DIP2A: variants seen among roughly 807,000 people sequenced by gnomAD.
DIP2A encodes the protein disco-interacting protein 2 homolog A.
A neutral mutation model predicts 177.4 loss-of-function variants in DIP2A; 85 were observed. That is an observed-to-expected ratio of 0.48 (90% confidence interval 0.40 to 0.57). The LOEUF is 0.57. Among genes scored for constraint, DIP2A ranks in the 20% least tolerant of loss-of-function variants. The pLI is 0.00. For missense variants in DIP2A, 1,791 were observed against 2,100.2 expected, an observed-to-expected ratio of 0.85 and a Z score of 2.88; for synonymous variants, 886 against 881.8, an observed-to-expected ratio of 1.00 and a Z score of -0.08.
At chr21:46,532,614 A>G (rs1323027756) in intron 10 of DIP2A, among the ~76,000 whole-genome samples, 2 of 152,244 alleles carry the variant, frequency 1.3e-5, no homozygotes, top group Admixed American at 1.3e-4. Context: ...ATGTTTATAG[A>G]AAATAATTAT....
At chr21:46,535,626 A>G (rs2839310) in intron 13 of DIP2A, among the ~76,000 whole-genome samples, 44,989 of 152,162 alleles carry the variant, frequency 0.3, 7,011 homozygotes, top group Middle Eastern at 0.38. Flanking sequence ...AAGCAAGGGT[A>G]TAAGTTGAGG....
chr21:46,516,488 CTTTTT>C (rs1158910021), intron 8 of DIP2A, among the ~76,000 whole-genome samples: 2 of 76,366 alleles, frequency 2.6e-5, no homozygotes, highest in Non-Finnish European at 5.5e-5. Context: ...TCTGAAATTT[CTTTTT>C]TTTTTTTTTT....
At chr21:46,578,466 T>C in the DIP2A span, among the ~76,000 whole-genome samples, 13 of 152,250 alleles carry the variant, frequency 8.5e-5, no homozygotes, top group Non-Finnish European at 1.8e-4. Context: ...TCTTGCCTGA[T>C]TCCCTTGCTA....
chr21:46,518,518 A>G (rs978564610), intron 8 of DIP2A, among the ~76,000 whole-genome samples: 1 of 152,212 alleles, frequency 6.6e-6, no homozygotes, highest in Non-Finnish European at 1.5e-5. Flanking sequence ...TGTCATTTTA[A>G]CTTGCTCTTT....
At chr21:46,459,261 T>TCAGCCCGGTCCCCCGCG in intron 1 of DIP2A, 39 bp downstream of exon 1, 1 of 1,393,440 alleles carries the variant, frequency 7.2e-7, no homozygotes, top group Non-Finnish European at 9.4e-7. Flanking sequence ...CGACCCGCCC[T>TCAGCCCGGTCCCCCGCG]CAGCCCGGTC....
In DIP2A at chr21:46,459,135, G is replaced by C. The variant is rs2054038370; in HGVS notation, c.4G>C (p.Ala2Pro). 6.6e-7 allele frequency: 1 copy of C among 1,510,148 alleles called. No homozygotes were observed. Among genetic ancestry groups the C allele is most frequent in the Non-Finnish European group, 8.8e-7 (1 of 1,130,724 alleles). The allele number at this position is 1,510,148 out of a possible 1,614,324, so 93.5% of individuals were successfully genotyped here. A position where few individuals can be genotyped will look rare whatever the true frequency, so the allele number is the denominator to read the frequency against. ...CCGGACGCTAGCCGGCCTGGCCATGGCTGACCGCGGGTGCCCGCTGGAGGC... is the reference window on the plus strand; with the variant it reads ...CCGGACGCTAGCCGGCCTGGCCATGCCTGACCGCGGGTGCCCGCTGGAGGC... The part of the protein sequence containing the change: M[A>P]DRGCPLEAAP... The change falls in exon 1 of 38, where the codon GCT (alanine) becomes CCT (proline). Residue 2 changes from alanine (A) to proline (P), a missense_variant. Coordinates refer to ENST00000417564, the MANE Select transcript of DIP2A (RefSeq NM_015151.4).
chr21:46,530,131 T>C (rs983141022), intron 9 of DIP2A, among the ~76,000 whole-genome samples: 4 of 152,186 alleles, frequency 2.6e-5, no homozygotes, highest in Admixed American at 6.5e-5. Context: ...GTAGGCAAGC[T>C]GGACCAGACC....
Position 46,534,645 on chromosome 21 carries a change from G to T in DIP2A, c.1600G>T (p.Ala534Ser). 1 of 1,612,272 alleles carries T rather than the reference G, an allele frequency of 6.2e-7. No homozygotes were observed. The change falls in exon 13 of 38, where the codon GCA (alanine) becomes TCA (serine). Residue 534 changes from alanine (A) to serine (S), a missense_variant. Transcript: ENST00000417564. ...GVTVSHASLL[A>S]QCRALTQACG... ...CACAGTGTCCCACGCATCCCTGCTG[G>T]CACAGTGCCGGGCTCTGACCCAGGC... is the stretch of plus-strand genomic sequence containing the variant.
intron 20 of DIP2A, 33 bp from the exon 21 acceptor site, chr21:46,546,882 G>A (rs768117468): frequency 5.0e-6 from 8 of 1,610,824 alleles, no homozygotes; most frequent in Non-Finnish European, 6.8e-6. Context: ...CTGCCCGTGT[G>A]GGTGGAGTCT....
At position 46,507,692 on chromosome 21, in the gene DIP2A, C is replaced by CTTT. The variant is rs34594717; in HGVS notation, c.785-1541_785-1539dup. ...TGCTTTTTTTTTTTAATTTTCTGTTCTTTTTTTTTTTTTTTTTTTTTTTTT... is the reference window on the plus strand; with the variant it reads ...TGCTTTTTTTTTTTAATTTTCTGTTCTTTTTTTTTTTTTTTTTTTTTTTTTTTT... On this transcript the variant is annotated intron_variant, in intron 6 of 37. Coordinates refer to ENST00000417564, the MANE Select transcript of DIP2A (RefSeq NM_015151.4). Among the ~76,000 whole-genome samples, 6 of 43,944 alleles carry CTTT rather than the reference C, an allele frequency of 1.4e-4. 1 individual carries two copies. The highest frequency in any genetic ancestry group is 6.2e-4 in the African/African-American group (6 of 9,612). 28.8% of individuals were successfully genotyped at this position (43,944 alleles called of 152,430 possible).
chr21:46,512,646 T>TC (rs1386886693), intron 8 of DIP2A, among the ~76,000 whole-genome samples: 1 of 151,444 alleles, frequency 6.6e-6, no homozygotes. Context: ...TTTTATTTTT[T>TC]TTCTGAGAAA....
rs58329176 is a variant in DIP2A at position 46,517,612 on chromosome 21, G to A, written c.1102+5998G>A. Among the ~76,000 whole-genome samples, 444 of 152,278 alleles carry A rather than the reference G, an allele frequency of 2.9e-3. 3 individuals are homozygous for A. The highest frequency in any genetic ancestry group is 0.01 in the African/African-American group (421 of 41,572). On this transcript the variant is annotated intron_variant, in intron 8 of 37. Coordinates refer to ENST00000417564, the MANE Select transcript of DIP2A (RefSeq NM_015151.4). ...CCTCTGATGGCTTCCCAGCCGTGGCGTTGGTCTCCTCGTGGCTTCTTAACA... is the reference window on the plus strand; with the variant it reads ...CCTCTGATGGCTTCCCAGCCGTGGCATTGGTCTCCTCGTGGCTTCTTAACA...
intron 28 of DIP2A, among the ~76,000 whole-genome samples, 162 bp downstream of exon 28, chr21:46,555,095 G>T (rs1601827654): frequency 1.3e-5 from 2 of 152,174 alleles, no homozygotes; most frequent in South Asian, 4.1e-4. Context: ...GGGAGTAGGG[G>T]TCCCTGTCCC....
In DIP2A at chr21:46,537,271, T is replaced by C; in HGVS notation, c.1690T>C (p.Trp564Arg). Residue 564 changes from tryptophan (W) to arginine (R), a missense_variant, in exon 14 of 38, where the codon TGG becomes CGG. Physicochemically the swap from Trp to Arg is moderately radical, Grantham distance 101 (BLOSUM62 -3). Coordinates refer to ENST00000417564, the MANE Select transcript of DIP2A (RefSeq NM_015151.4). The surrounding 1 kb of genome is among the most constrained non-coding windows in gnomAD (Gnocchi z 4.1). Reference protein sequence around the residue: ...VLDFKRDAGLWHGVLTSVMNR... With the variant: ...VLDFKRDAGLRHGVLTSVMNR... ...GGATTTCAAAAGGGATGCTGGTCTG[T>C]GGCATGGCGTGTTAACAGTGAGTGT... 1 of 1,614,072 alleles carries C rather than the reference T, an allele frequency of 6.2e-7. No individual in the cohort carries two copies. Among genetic ancestry groups the C allele is most frequent in the South Asian group, 1.1e-5 (1 of 91,086 alleles).
intron 2 of DIP2A, among the ~76,000 whole-genome samples, chr21:46,490,355 A>G (rs2056938326): frequency 6.6e-6 from 1 of 152,058 alleles, no homozygotes; most frequent in Admixed American, 6.6e-5. Context: ...CAGCTGTTTG[A>G]TCATCACCCT....
intron 8 of DIP2A, among the ~76,000 whole-genome samples, chr21:46,526,468 C>T (rs1006993794): frequency 2.0e-5 from 3 of 150,946 alleles, no homozygotes; most frequent in African/African-American, 4.9e-5. Context: ...GATCTTGGCT[C>T]ACTGCAACCT....
intron 6 of DIP2A, 52 bp downstream of exon 6, chr21:46,504,541 T>G: frequency 6.5e-7 from 1 of 1,547,406 alleles, no homozygotes. Flanking sequence ...AGGTTTTGTC[T>G]TTGGGTATTG....
chr21:46,486,173 T>C (rs993935569), intron 2 of DIP2A, among the ~76,000 whole-genome samples: 3 of 151,842 alleles, frequency 2.0e-5, no homozygotes, highest in African/African-American at 4.8e-5. Flanking sequence ...GTTCTCTGAC[T>C]GCATTGTCCA....
In DIP2A at chr21:46,508,174, C is replaced by T. The variant is rs540206225; in HGVS notation, c.785-1083C>T. Among the ~76,000 whole-genome samples the T allele has an allele frequency of 7.9e-5, 12 of 151,976 alleles. No homozygotes were observed. In the South Asian group the frequency reaches 2.1e-3, roughly 26 times the overall value. ...TCAGCCTCCCAAGGAGCAGGGACTGCAGGCACAAGCCACCACATCCAGATA... is the reference window on the plus strand; with the variant it reads ...TCAGCCTCCCAAGGAGCAGGGACTGTAGGCACAAGCCACCACATCCAGATA... On this transcript the variant is annotated intron_variant, in intron 6 of 37. Transcript: ENST00000417564.
Sources: allele counts gnomAD v4.1 joint callset (sites outside exome capture counted in the v4.1 genomes callset), GRCh38; gene constraint gnomAD v4.1.1; non-coding constraint Gnocchi (gnomAD v3.1); transcripts MANE v1.5; gene names NCBI Gene and HGNC (gene_info 2026-07-23, HGNC 2026-07-21).